The following CFAP418 variants were observed in gnomAD, a reference collection of about 807,000 sequenced individuals.
CFAP418 encodes the protein cilia and flagella associated protein 418.
Under a neutral mutation model 24.7 loss-of-function variants are expected in CFAP418, and 27 were observed. That is an observed-to-expected ratio of 1.09 (90% CI 0.81 to 1.51). The LOEUF (loss-of-function observed/expected upper bound fraction) is 1.51, where lower values mean the gene tolerates loss of function less well. Among genes scored for constraint, CFAP418 ranks in the 40% most tolerant of loss-of-function variants. The pLI is 0.00. For synonymous variants in CFAP418, 74 were observed against 87.3 expected, an observed-to-expected ratio of 0.85 and a Z score of 0.85; for missense variants, 257 against 255.2, an observed-to-expected ratio of 1.01 and a Z score of -0.05.
intron 4 of CFAP418, among the ~76,000 whole-genome samples, chr8:95,253,337 T>C (rs1432663266): frequency 6.6e-6 from 1 of 151,904 alleles, no homozygotes. Context: ...GAGCAAAATG[T>C]AGAAAGTTAT....
At position 95,259,902 on chromosome 8, in the gene CFAP418, G is replaced by A. The variant is rs1424328605; in HGVS notation, c.312C>T (p.Cys104=). The A allele has an allele frequency of 1.3e-6, 2 of 1,595,434 alleles. No homozygotes were observed. Among genetic ancestry groups the A allele is most frequent in the Non-Finnish European group, 1.7e-6 (2 of 1,174,018 alleles). ...RASIEGLGKS[C]SPVYLGGSSI... Reference sequence around the variant, plus strand: ...AGCTTCCACCAAGGTACACCGGACTGCAACTAGATGTGTTCAACAGATGCA... The same window carrying A: ...AGCTTCCACCAAGGTACACCGGACTACAACTAGATGTGTTCAACAGATGCA... Residue 104 remains cysteine (C), a synonymous_variant, in exon 4 of 6, where the codon TGC becomes TGT. Coordinates refer to ENST00000286688, the MANE Select transcript of CFAP418 (RefSeq NM_177965.4).
intron 4 of CFAP418, among the ~76,000 whole-genome samples, chr8:95,257,908 CAGA>C (rs1200633104): frequency 6.6e-6 from 1 of 152,090 alleles, no homozygotes. Flanking sequence ...GGAGGTATTT[CAGA>C]AGAAGGCACA....
chr8:95,251,032 G>C (rs1811698447), intron 5 of CFAP418, among the ~76,000 whole-genome samples: 1 of 152,174 alleles, frequency 6.6e-6, no homozygotes, highest in Non-Finnish European at 1.5e-5. Context: ...ATTTGAAAAT[G>C]TCAATGTAAA....
In CFAP418 at chr8:95,269,107, T is replaced by TCGA. The variant is rs1563477224; in HGVS notation, c.80_82dup (p.Val27dup). The TCGA allele has an allele frequency of 1.2e-6, 2 of 1,614,102 alleles. No individual in the cohort carries two copies. Among genetic ancestry groups the TCGA allele is most frequent in the East Asian group, 4.5e-5 (2 of 44,890 alleles). On this transcript the variant is annotated inframe_insertion, in exon 1 of 6. Coordinates refer to ENST00000286688, the MANE Select transcript of CFAP418 (RefSeq NM_177965.4). Reference sequence around the variant, plus strand: ...GCCGCCGCCGCAGCCTTTGGGCTGCTCGACCATACCCCGTCTTAGAAGGTC... The same window carrying TCGA: ...GCCGCCGCCGCAGCCTTTGGGCTGCTCGACGACCATACCCCGTCTTAGAAGGTC...
In CFAP418 at chr8:95,245,735, C is replaced by T. The variant is rs553324203; in HGVS notation, c.*1882G>A. ...GCCCGGCAACAGAGTGACACTCCAT[C>T]TCAAAAAAAAAATTTTTTTTTTCAA... On this transcript the variant is annotated 3_prime_UTR_variant, in exon 6 of 6. Transcript: ENST00000286688. The T allele has an allele frequency of 3.3e-5, 5 of 151,630 alleles. No individual in the cohort carries two copies. Among genetic ancestry groups the T allele is most frequent in the East Asian group, 1.9e-4 (1 of 5,158 alleles). 9.4% of individuals were successfully genotyped at this position (151,630 alleles called of 1,614,324 possible).
At chr8:95,260,627 G>T in intron 2 of CFAP418, 95 bp from the exon 3 acceptor site, 2 of 668,074 alleles carry the variant, frequency 3.0e-6, no homozygotes, top group Non-Finnish European at 4.7e-6. Flanking sequence ...TTTTCTAAAT[G>T]ACTTAAATAC....
chr8:95,256,076 A>G (rs1811782695), intron 4 of CFAP418, among the ~76,000 whole-genome samples: 1 of 152,244 alleles, frequency 6.6e-6, no homozygotes, highest in South Asian at 2.1e-4. Flanking sequence ...GCCTCGAGCT[A>G]TGAAAACAGG....
intron 5 of CFAP418, among the ~76,000 whole-genome samples, chr8:95,251,555 C>T (rs546155261): frequency 6.6e-5 from 10 of 152,248 alleles, no homozygotes; most frequent in African/African-American, 1.9e-4. Flanking sequence ...GGGTGTTGAG[C>T]AGGAGGACGG....
chr8:95,268,947 G>C, intron 1 of CFAP418, 88 bp downstream of exon 1: 2 of 1,440,344 alleles, frequency 1.4e-6, no homozygotes. Context: ...TCGCGGGCAC[G>C]TTTCTTTTGG....
intron 1 of CFAP418, among the ~76,000 whole-genome samples, chr8:95,268,028 T>C (rs1812029515): frequency 2.0e-5 from 3 of 152,130 alleles, no homozygotes; most frequent in East Asian, 1.9e-4. Flanking sequence ...TAAATTTCCA[T>C]ATGTATGTCT....
chr8:95,262,799 A>C (rs1368057540), intron 2 of CFAP418, among the ~76,000 whole-genome samples: 2 of 152,156 alleles, frequency 1.3e-5, no homozygotes. Flanking sequence ...TATCTAATGA[A>C]GGCGTAATCA....
chr8:95,269,178 G>A lies in CFAP418; in HGVS notation c.12C>T (p.Asp4=). 6.2e-7 allele frequency: 1 copy of A among 1,614,144 alleles called. No individual in the cohort carries two copies. Residue 4 remains aspartate, a synonymous_variant, in exon 1 of 6, where the codon GAC becomes GAT. Coordinates refer to ENST00000286688, the MANE Select transcript of CFAP418 (RefSeq NM_177965.4). ...CGACTTCATCCAAGAGCTCGTCCAG[G>A]TCCTCCGCCATCTTGAATCGCCTGG... is the stretch of plus-strand genomic sequence containing the variant. MAE[D]LDELLDEVES... is the part of the protein sequence containing the mutation.
At chr8:95,268,927 G>C (rs772355228) in intron 1 of CFAP418, 108 bp downstream of exon 1, 1 of 1,215,236 alleles carries the variant, frequency 8.2e-7, no homozygotes, top group Non-Finnish European at 1.2e-6. Flanking sequence ...ATGCAAGGAG[G>C]GGCTGGAGGT....
chr8:95,255,350 T>G (rs1023950542), intron 4 of CFAP418, among the ~76,000 whole-genome samples: 7 of 152,088 alleles, frequency 4.6e-5, no homozygotes, highest in African/African-American at 1.7e-4. Context: ...CCCCAGCTCC[T>G]CCCCTTCTCA....
chr8:95,269,120 G>GT lies in CFAP418; in HGVS notation c.69dup (p.Arg24ThrfsTer17). Reference sequence around the variant, plus strand: ...CCTTTGGGCTGCTCGACCATACCCCGTCTTAGAAGGTCAGGTGTGCAAAAC... The same window carrying GT: ...CCTTTGGGCTGCTCGACCATACCCCGTTCTTAGAAGGTCAGGTGTGCAAAAC... On this transcript the variant is annotated frameshift_variant, in exon 1 of 6. Transcript: ENST00000286688. LOFTEE classifies it high-confidence loss of function. 2 of 1,614,132 alleles carry GT rather than the reference G, an allele frequency of 1.2e-6. No homozygotes were observed. Among genetic ancestry groups the GT allele is most frequent in the Non-Finnish European group, 1.7e-6 (2 of 1,179,986 alleles).
At position 95,263,687 on chromosome 8, in the gene CFAP418, A is replaced by T. The variant is rs765997213; in HGVS notation, c.243T>A (p.Ser81=). Residue 81 remains serine (S), a splice_region_variant and synonymous_variant, in exon 2 of 6, where the codon TCT becomes TCA. Transcript: ENST00000286688. ...TACATATTTATAACACTTGACTTACAGAGGGTTTTTTGTCCAAGTTGGGCT... is the reference window on the plus strand; with the variant it reads ...TACATATTTATAACACTTGACTTACTGAGGGTTTTTTGTCCAAGTTGGGCT... The part of the protein sequence containing the change: ...LEEPNLDKKP[S]KLKSKSSGNT... The T allele has an allele frequency of 1.3e-6, 2 of 1,575,712 alleles. No individual in the cohort carries two copies. The highest frequency in any genetic ancestry group is 1.7e-6 in the Non-Finnish European group (2 of 1,146,112).
chr8:95,255,931 T>TA (rs1222643927), intron 4 of CFAP418, among the ~76,000 whole-genome samples: 1 of 152,226 alleles, frequency 6.6e-6, no homozygotes, highest in African/African-American at 2.4e-5. Flanking sequence ...GGGCAACTAA[T>TA]AAAAAATCTG....
At chr8:95,254,954 A>C (rs1474651993) in intron 4 of CFAP418, among the ~76,000 whole-genome samples, 2 of 152,152 alleles carry the variant, frequency 1.3e-5, no homozygotes, top group Non-Finnish European at 2.9e-5. Flanking sequence ...TCAATCACTG[A>C]ATTCTGTCAA....
intron 1 of CFAP418, among the ~76,000 whole-genome samples, chr8:95,266,872 C>T (rs1811990568): frequency 6.6e-6 from 1 of 152,184 alleles, no homozygotes; most frequent in African/African-American, 2.4e-5. Flanking sequence ...CATGACACAA[C>T]CCATGGTTGG....
Sources: gnomAD v4.1 joint callset for allele counts (sites outside exome capture counted in the v4.1 genomes callset) on GRCh38, gnomAD v4.1.1 for gene constraint, MANE v1.5 for transcripts, NCBI Gene and HGNC (gene_info 2026-07-23, HGNC 2026-07-21) for gene names.